Variants in ACTN1 observed in about 807,000 individuals in gnomAD.
ACTN1 encodes actinin alpha 1, also known as alpha-actinin-1.
In ACTN1, 30 loss-of-function variants were observed where a neutral mutation model predicts 119.6. The ratio of observed to expected loss-of-function variants is 0.25; its 90% CI spans 0.19 to 0.34. The LOEUF (loss-of-function observed/expected upper bound fraction) is 0.34. ACTN1 is among the 10% of genes least tolerant of loss of function. The pLI, the probability that ACTN1 is intolerant of heterozygous loss-of-function variation, is 1.00. For missense variants in ACTN1, 764 were observed against 1,223.4 expected, an observed-to-expected ratio of 0.62 and a Z score of 5.60; for synonymous variants, 429 against 472.6, an observed-to-expected ratio of 0.91 and a Z score of 1.20.
chr14:68,913,404 T>C (rs559079242), intron 3 of ACTN1, among the ~76,000 whole-genome samples: 23 of 152,324 alleles, frequency 1.5e-4, no homozygotes, highest in African/African-American at 5.1e-4. Flanking sequence ...TATCTTTTTT[T>C]TTCCTACCTG....
Position 68,882,632 on chromosome 14 carries a change from G to A in ACTN1, c.1819-40C>T, listed in dbSNP as rs751543139. 7.6e-5 allele frequency: 122 copies of A among 1,611,726 alleles called. No homozygotes were observed. Among genetic ancestry groups the A allele is most frequent in the Non-Finnish European group, 1.0e-4 (121 of 1,178,474 alleles). ...ACAAGGCGACTTTCAGGATGGGTCA[G>A]CCATCTGTCCATGTGCCAGATGAGG... On this transcript the variant is annotated intron_variant, in intron 15 of 21. Transcript: ENST00000394419. The surrounding 1 kb of genome is among the most constrained non-coding windows in gnomAD (Gnocchi z 4.5).
In ACTN1 at chr14:68,881,955, T is replaced by TTTTTGA. The variant is rs58500225; in HGVS notation, c.1953+502_1953+503insTCAAAA. 5.9e-4 allele frequency among the ~76,000 whole-genome samples: 61 copies of TTTTTGA among 102,968 alleles called. 7 individuals carry two copies. Among genetic ancestry groups the TTTTTGA allele is most frequent in the African/African-American group, 2.3e-3 (52 of 22,898 alleles). The allele number at this position is 102,968 out of a possible 152,430, so 67.6% of individuals were successfully genotyped here. ...CAGCTTCTTTTTTTTTTTTTTTTTT[T>TTTTTGA]GACAGAGTCTTGCTCTGTTGCCCAA... On this transcript the variant is annotated intron_variant, in intron 16 of 21. Coordinates refer to ENST00000394419, the MANE Select transcript of ACTN1 (RefSeq NM_001130004.2).
At chr14:68,892,357 C>T (rs2032562968) in intron 9 of ACTN1, 74 bp from the exon 10 acceptor site, 4 of 1,474,896 alleles carry the variant, frequency 2.7e-6, no homozygotes, top group Non-Finnish European at 3.7e-6. Context: ...CCTCCCTTTC[C>T]TCCCAACAGC....
intron 8 of ACTN1, among the ~76,000 whole-genome samples, chr14:68,896,185 T>A (rs2032865553): frequency 6.6e-6 from 1 of 152,142 alleles, no homozygotes; most frequent in East Asian, 1.9e-4. Context: ...AGCAGGTTCC[T>A]GAAGTCCAGA....
At chr14:68,884,659 G>A in intron 13 of ACTN1, 116 bp downstream of exon 13, 1 of 889,884 alleles carries the variant, frequency 1.1e-6, no homozygotes, top group Non-Finnish European at 1.8e-6. Flanking sequence ...CAGGGTTGGG[G>A]GAGGTCTGGG....
Position 68,880,169 on chromosome 14 carries a change from C to G in ACTN1, c.2134-61G>C. On this transcript the variant is annotated intron_variant, in intron 17 of 21. Transcript: ENST00000394419. This position sits in a 1 kb window ranked among gnomAD's most constrained non-coding sequence, Gnocchi z 4.6. The stretch of plus-strand genomic sequence containing the variant: ...CCCAGGCCTGGGCTCCTGGCGGCCC[C>G]TGCCCATCCTACTCCCCAACCATCA... 6.3e-7 allele frequency: 1 copy of G among 1,578,776 alleles called. No homozygotes were observed. Among genetic ancestry groups the G allele is most frequent in the Non-Finnish European group, 8.6e-7 (1 of 1,161,054 alleles).
chr14:68,877,119 T>C lies in ACTN1; in HGVS notation c.2549A>G (p.Gln850Arg), dbSNP rs1235634695. 2 of 1,613,978 alleles carry C rather than the reference T, an allele frequency of 1.2e-6. No homozygotes were observed. The highest frequency in any genetic ancestry group is 1.7e-6 in the Non-Finnish European group (2 of 1,179,998). ...CAGGATCTTGAAGGAAGCCATGACT[T>C]GGTCTGCTGTATCTGTGTCGGCTGT... ...RETADTDTAD[Q>R]VMASFKILAG... The change falls in exon 21 of 22, where the codon CAA becomes CGA. Residue 850 changes from glutamine to arginine, a missense_variant. Physicochemically the swap from Gln to Arg is conservative, Grantham distance 43. Transcript: ENST00000394419.
rs182424749 is a variant in ACTN1 at position 68,914,824 on chromosome 14, C to T, written c.341-2582G>A. On this transcript the variant is annotated intron_variant, in intron 3 of 21. Coordinates refer to ENST00000394419, the MANE Select transcript of ACTN1 (RefSeq NM_001130004.2). ...AAAAAACCCAAAGTTGAAAACCACA[C>T]GCCTTGATGTCAGCAAGGCCACCAC... Among the ~76,000 whole-genome samples the T allele has an allele frequency of 1.3e-4, 20 of 152,204 alleles. No homozygotes were observed. The East Asian group carries it at 2.5e-3, about 19-fold the overall frequency.
chr14:68,875,095 C>T, intron 21 of ACTN1, 78 bp from the exon 22 acceptor site: 1 of 1,588,070 alleles, frequency 6.3e-7, no homozygotes, highest in Non-Finnish European at 8.5e-7. Flanking sequence ...GCCGCAAAGC[C>T]TGGCGGCGTG....
At chr14:68,888,104 C>T (rs373656870) in intron 11 of ACTN1, 7 of 652,646 alleles carry the variant, frequency 1.1e-5, no homozygotes, top group African/African-American at 3.7e-5. Flanking sequence ...AGGGAGGGCG[C>T]GTGCCAGGTG....
intron 9 of ACTN1, among the ~76,000 whole-genome samples, chr14:68,892,518 C>T (rs1364822459): frequency 6.6e-6 from 1 of 152,160 alleles, no homozygotes; most frequent in African/African-American, 2.4e-5. Flanking sequence ...CTCACAGTCA[C>T]GTCACTCAAC....
intron 1 of ACTN1, among the ~76,000 whole-genome samples, chr14:68,929,498 C>T (rs1462586915): frequency 6.6e-6 from 1 of 152,190 alleles, no homozygotes; most frequent in Non-Finnish European, 1.5e-5. Context: ...TCTGGCCTCC[C>T]CTCACCCCAA....
At chr14:68,954,547 C>T (rs1304987826) in intron 1 of ACTN1, among the ~76,000 whole-genome samples, 4 of 152,024 alleles carry the variant, frequency 2.6e-5, no homozygotes, top group Non-Finnish European at 5.9e-5. Flanking sequence ...AGACTGGTCT[C>T]GAACTCCTGA....
intron 1 of ACTN1, among the ~76,000 whole-genome samples, chr14:68,935,977 G>A (rs1462995921): frequency 6.6e-6 from 1 of 152,126 alleles, no homozygotes; most frequent in Non-Finnish European, 1.5e-5. Context: ...TCAGAGGATG[G>A]GATCAGGAAA....
intron 6 of ACTN1, among the ~76,000 whole-genome samples, chr14:68,906,185 C>T (rs1194978382): frequency 1.3e-5 from 2 of 152,046 alleles, no homozygotes; most frequent in African/African-American, 2.4e-5. Context: ...TGTGAGTGTA[C>T]GGAATACCCC....
chr14:68,943,388 C>T (rs1747541261), intron 1 of ACTN1, among the ~76,000 whole-genome samples: 1 of 152,172 alleles, frequency 6.6e-6, no homozygotes, highest in Non-Finnish European at 1.5e-5. Flanking sequence ...AAGGGGCTTC[C>T]GCCTGTGGTC....
chr14:68,904,754 G>A lies in ACTN1; in HGVS notation c.595-18C>T, dbSNP rs763139021. 5 of 1,606,636 alleles carry A rather than the reference G, an allele frequency of 3.1e-6. No individual in the cohort carries two copies. In the East Asian group the frequency reaches 1.1e-4, roughly 36 times the overall value. Reference sequence around the variant, plus strand: ...GGATCATCCTAGAGGGAGAAAAGGAGGAAGGGATGATAAAGTGAGAGCCAC... The same window carrying A: ...GGATCATCCTAGAGGGAGAAAAGGAAGAAGGGATGATAAAGTGAGAGCCAC... On this transcript the variant is annotated intron_variant, in intron 6 of 21. Transcript: ENST00000394419.
At chr14:68,939,113 C>T (rs544690334) in intron 1 of ACTN1, among the ~76,000 whole-genome samples, 1 of 152,354 alleles carries the variant, frequency 6.6e-6, no homozygotes, top group Non-Finnish European at 1.5e-5. Flanking sequence ...CCATCCAAGG[C>T]CCCCCAGAAG....
At chr14:68,944,494 G>A (rs1217413503) in intron 1 of ACTN1, among the ~76,000 whole-genome samples, 3 of 152,224 alleles carry the variant, frequency 2.0e-5, no homozygotes, top group Non-Finnish European at 4.4e-5. Context: ...TACATCGTGG[G>A]CAAATACAGG....
Sources: allele counts gnomAD v4.1 joint callset (sites outside exome capture counted in the v4.1 genomes callset), GRCh38; gene constraint gnomAD v4.1.1; non-coding constraint Gnocchi (gnomAD v3.1); transcripts MANE v1.5; gene names NCBI Gene and HGNC (gene_info 2026-07-23, HGNC 2026-07-21).